The following SAMD12 variants were observed in gnomAD, a reference collection of about 807,000 sequenced individuals.
SAMD12 encodes sterile alpha motif domain-containing protein 12.
Under a neutral mutation model 15.0 loss-of-function variants are expected in SAMD12, and 9 were observed. The ratio of observed to expected loss-of-function variants is 0.60; its 90% CI spans 0.36 to 1.05. The LOEUF is 1.05. Among genes scored for constraint, SAMD12 ranks in the 50% least tolerant of loss-of-function variants. The probability of loss-of-function intolerance (pLI) is 0.01; values close to 1 mark genes in which losing one functional copy is unlikely to be tolerated. For missense variants in SAMD12, 230 were observed against 234.2 expected (o/e 0.98, Z 0.12); for synonymous variants, 86 against 90.1 (o/e 0.96, Z 0.25).
intron 2 of SAMD12, among the ~76,000 whole-genome samples, chr8:118,440,657 A>AAAACACAC (rs1427448676): frequency 2.8e-5 from 4 of 142,210 alleles, no homozygotes; most frequent in African/African-American, 1.1e-4. Context: ...TTATGAGGAA[A>AAAACACAC]ACACACACAC....
chr8:118,460,518 C>T (rs1361453595), intron 2 of SAMD12, among the ~76,000 whole-genome samples: 5 of 152,098 alleles, frequency 3.3e-5, no homozygotes, highest in African/African-American at 1.2e-4. Flanking sequence ...GGCACCAAAC[C>T]TACTGTCTGC....
At chr8:118,534,127 G>C (rs898598522) in intron 2 of SAMD12, among the ~76,000 whole-genome samples, 7 of 152,064 alleles carry the variant, frequency 4.6e-5, no homozygotes, top group Non-Finnish European at 1.0e-4. Context: ...AGCTCTTTTA[G>C]GGCAGGCCTG....
chr8:118,357,731 T>C (rs1320930631), intron 4 of SAMD12, among the ~76,000 whole-genome samples: 3 of 152,228 alleles, frequency 2.0e-5, no homozygotes, highest in Admixed American at 6.5e-5. Flanking sequence ...TTGGATCCTA[T>C]TCTAAATCCT....
chr8:118,169,319 T>C, the SAMD12 span, among the ~76,000 whole-genome samples: 21 of 152,232 alleles, frequency 1.4e-4, no homozygotes, highest in Admixed American at 5.2e-4. Context: ...GAAATGCCGA[T>C]CCTAGCATCA....
intron 4 of SAMD12, among the ~76,000 whole-genome samples, chr8:118,351,479 C>A (rs544401630): frequency 6.6e-6 from 1 of 152,282 alleles, no homozygotes; most frequent in South Asian, 2.1e-4. Flanking sequence ...AGTGGCAGAA[C>A]TTCCTCTCTA....
intron 3 of SAMD12, among the ~76,000 whole-genome samples, chr8:118,384,350 G>T (rs542622267): frequency 1.3e-5 from 2 of 152,246 alleles, no homozygotes; most frequent in African/African-American, 4.8e-5. Context: ...GAATCCCTCT[G>T]GTCACTATGT....
At chr8:118,248,722 A>T (rs1264857746) in intron 4 of SAMD12, among the ~76,000 whole-genome samples, 4 of 152,156 alleles carry the variant, frequency 2.6e-5, no homozygotes, top group African/African-American at 9.7e-5. Flanking sequence ...GCACTAACTG[A>T]CAAAAAGCCC....
At chr8:118,494,002 G>A (rs1314614281) in intron 2 of SAMD12, among the ~76,000 whole-genome samples, 1 of 152,060 alleles carries the variant, frequency 6.6e-6, no homozygotes, top group Non-Finnish European at 1.5e-5. Context: ...TTCTCTTCTC[G>A]AAAGCTGGTG....
intron 3 of SAMD12, among the ~76,000 whole-genome samples, chr8:118,411,875 A>C (rs1821424265): frequency 6.6e-6 from 1 of 152,200 alleles, no homozygotes; most frequent in Non-Finnish European, 1.5e-5. Flanking sequence ...CAAATGGTAT[A>C]ACAACAAGTC....
chr8:118,318,554 T>C (rs962436574), intron 4 of SAMD12, among the ~76,000 whole-genome samples: 11 of 151,574 alleles, frequency 7.3e-5, no homozygotes, highest in Admixed American at 5.3e-4. Context: ...ATAAAGAACT[T>C]TGGAGACTCA....
intron 3 of SAMD12, among the ~76,000 whole-genome samples, chr8:118,386,964 G>C (rs1819995881): frequency 6.6e-6 from 1 of 152,174 alleles, no homozygotes; most frequent in South Asian, 2.1e-4. Flanking sequence ...CCTCTTTTCT[G>C]CCAGAAATAG....
intron 4 of SAMD12, among the ~76,000 whole-genome samples, chr8:118,351,385 G>A (rs1263276613): frequency 6.6e-6 from 1 of 152,136 alleles, no homozygotes; most frequent in Non-Finnish European, 1.5e-5. Flanking sequence ...ATTGGGATGG[G>A]AAGCGGCAGA....
intron 2 of SAMD12, among the ~76,000 whole-genome samples, chr8:118,529,540 C>G (rs911031673): frequency 6.6e-6 from 1 of 152,112 alleles, no homozygotes; most frequent in Non-Finnish European, 1.5e-5. Context: ...TTCCTCATCC[C>G]CCTTCTACCC....
In SAMD12 at chr8:118,459,637, G is replaced by T. The variant is rs1823357946; in HGVS notation, c.193-19676C>A. 3.9e-5 allele frequency among the ~76,000 whole-genome samples: 6 copies of T among 152,252 alleles called. No individual in the cohort carries two copies. In the South Asian group the frequency reaches 1.2e-3, roughly 32 times the overall value. On this transcript the variant is annotated intron_variant, in intron 2 of 3. Coordinates refer to ENST00000314727, the MANE Select transcript of SAMD12 (RefSeq NM_207506.3). The stretch of plus-strand genomic sequence containing the variant: ...CTATTTGGGGTCAGGTACATGCAAA[G>T]ACTTTTGAATTTGTTTAGTAAGTGG...
At chr8:118,371,167 A>G (rs1045252065) in intron 4 of SAMD12, among the ~76,000 whole-genome samples, 2 of 152,186 alleles carry the variant, frequency 1.3e-5, no homozygotes, top group African/African-American at 4.8e-5. Flanking sequence ...AAGTTAATAC[A>G]TCCATGAAAT....
intron 4 of SAMD12, among the ~76,000 whole-genome samples, chr8:118,304,417 C>T (rs1262771755): frequency 2.0e-5 from 3 of 152,184 alleles, no homozygotes. Context: ...TATTCATCTT[C>T]TCCAGAAGCA....
intron 2 of SAMD12, among the ~76,000 whole-genome samples, chr8:118,489,237 A>G (rs1199375667): frequency 6.6e-6 from 1 of 152,062 alleles, no homozygotes; most frequent in Non-Finnish European, 1.5e-5. Context: ...TATACTCTGG[A>G]TATAAGTCTT....
At chr8:118,525,381 C>T (rs1825505799) in intron 2 of SAMD12, among the ~76,000 whole-genome samples, 1 of 152,174 alleles carries the variant, frequency 6.6e-6, no homozygotes, top group Non-Finnish European at 1.5e-5. Context: ...CGGCAATTAT[C>T]ACCATTTCAC....
At chr8:118,450,561 T>G (rs1278685334) in intron 2 of SAMD12, among the ~76,000 whole-genome samples, 1 of 152,076 alleles carries the variant, frequency 6.6e-6, no homozygotes, top group Non-Finnish European at 1.5e-5. Context: ...AAAGCAAAGA[T>G]GAAAACAAAA....
Sources: gnomAD v4.1 joint callset for allele counts (sites outside exome capture counted in the v4.1 genomes callset) on GRCh38, gnomAD v4.1.1 for gene constraint, MANE v1.5 for transcripts, NCBI Gene and HGNC (gene_info 2026-07-23, HGNC 2026-07-21) for gene names.